RGL2: variants seen among roughly 807,000 people sequenced by gnomAD.
RGL2 encodes ral guanine nucleotide dissociation stimulator-like 2.
Under a neutral mutation model 84.6 loss-of-function variants are expected in RGL2, and 40 were observed. The ratio of observed to expected loss-of-function variants is 0.47; its 90% CI spans 0.37 to 0.62. The LOEUF (loss-of-function observed/expected upper bound fraction) is 0.62, where lower values mean the gene tolerates loss of function less well. Among genes scored for constraint, RGL2 ranks in the 20% least tolerant of loss-of-function variants. The pLI, the probability that RGL2 is intolerant of heterozygous loss-of-function variation, is 0.00. For missense variants in RGL2, 865 were observed against 1,019.7 expected (o/e 0.85, Z 2.07); for synonymous variants, 369 against 417.3 (o/e 0.88, Z 1.41).
chr6:33,296,162 G>C lies in RGL2; in HGVS notation c.634C>G (p.Arg212Gly). Reference protein sequence around the residue: ...GGSADLIRNLRSRVDPQAPDL... With the variant: ...GGSADLIRNLGSRVDPQAPDL... ...GGGGCCTGGGGGTCCACCCGGGACCGGAGATTGCGGATGAGGTCAGCGCTG... is the reference window on the plus strand; with the variant it reads ...GGGGCCTGGGGGTCCACCCGGGACCCGAGATTGCGGATGAGGTCAGCGCTG... The change falls in exon 6 of 18, where the codon CGG becomes GGG. Residue 212 changes from arginine to glycine, a missense_variant. Arg to Gly is a moderately radical substitution (Grantham distance 125). Coordinates refer to ENST00000497454, the MANE Select transcript of RGL2 (RefSeq NM_004761.5). This position sits in a 1 kb window ranked among gnomAD's most constrained non-coding sequence, Gnocchi z 5.0. The C allele has an allele frequency of 2.5e-6, 4 of 1,613,960 alleles. No homozygotes were observed. Among genetic ancestry groups the C allele is most frequent in the Non-Finnish European group, 3.4e-6 (4 of 1,179,978 alleles).
In RGL2 at chr6:33,294,600, A is replaced by AC; in HGVS notation, c.1353+87dup. 1 of 1,415,458 alleles carries AC rather than the reference A, an allele frequency of 7.1e-7. No homozygotes were observed. The highest frequency in any genetic ancestry group is 9.9e-7 in the Non-Finnish European group (1 of 1,014,026). The allele number at this position is 1,415,458 out of a possible 1,614,324, so 87.7% of individuals were successfully genotyped here. Reference sequence around the variant, plus strand: ...TCCCACACTCAGCTATTTGTGCCTTACAGCCCCTTGCAAGGGGCGGGGGGG... The same window carrying AC: ...TCCCACACTCAGCTATTTGTGCCTTACCAGCCCCTTGCAAGGGGCGGGGGGG... On this transcript the variant is annotated intron_variant, in intron 11 of 17. Coordinates refer to ENST00000497454, the MANE Select transcript of RGL2 (RefSeq NM_004761.5). The surrounding 1 kb of genome is among the most constrained non-coding windows in gnomAD (Gnocchi z 5.0).
In RGL2 at chr6:33,298,923, C is replaced by A. The variant is rs965057892; in HGVS notation, c.-95G>T. ...GTCCTGAGCCGCTGTTGCCGTCGGTCTCCGGCCCCGGACCGAGTCCCCTCC... is the reference window on the plus strand; with the variant it reads ...GTCCTGAGCCGCTGTTGCCGTCGGTATCCGGCCCCGGACCGAGTCCCCTCC... On this transcript the variant is annotated 5_prime_UTR_variant, in exon 1 of 18. Coordinates refer to ENST00000497454, the MANE Select transcript of RGL2 (RefSeq NM_004761.5). The surrounding 1 kb of genome is among the most constrained non-coding windows in gnomAD (Gnocchi z 4.8). 1 of 281,242 alleles carries A rather than the reference C, an allele frequency of 3.6e-6. No individual in the cohort carries two copies. The highest frequency in any genetic ancestry group is 2.2e-5 in the African/African-American group (1 of 45,710). The allele number at this position is 281,242 out of a possible 1,614,324, so 17.4% of individuals were successfully genotyped here.
rs1352632609 is a variant in RGL2, at chr6:33,297,001, C to T, written c.240+31G>A. The T allele has an allele frequency of 1.3e-6, 2 of 1,592,974 alleles. No individual in the cohort carries two copies. The highest frequency in any genetic ancestry group is 1.3e-5 in the African/African-American group (1 of 74,230). ...GGAAGGAAAACTGGGAATGAAGAGTCAGAGGTGAGAAGCTAAAGTCATGAT... is the reference window on the plus strand; with the variant it reads ...GGAAGGAAAACTGGGAATGAAGAGTTAGAGGTGAGAAGCTAAAGTCATGAT... On this transcript the variant is annotated intron_variant, in intron 3 of 17. Transcript: ENST00000497454. This position sits in a 1 kb window ranked among gnomAD's most constrained non-coding sequence, Gnocchi z 4.0.
Position 33,294,006 on chromosome 6 carries a change from C to T in RGL2, c.1386+28G>A, listed in dbSNP as rs374811787. ...TTCCTGGAACATGGATAGGGAAGTC[C>T]AGCATCCAGCCCAGACACTCCGCTC... On this transcript the variant is annotated intron_variant, in intron 12 of 17. Coordinates refer to ENST00000497454, the MANE Select transcript of RGL2 (RefSeq NM_004761.5). The surrounding 1 kb of genome is among the most constrained non-coding windows in gnomAD (Gnocchi z 5.0). 3.7e-6 allele frequency: 6 copies of T among 1,613,880 alleles called. No individual in the cohort carries two copies. In the African/African-American group the frequency reaches 6.7e-5, roughly 18 times the overall value.
At position 33,292,106 on chromosome 6, in the gene RGL2, A is replaced by G. The variant is rs1448614918; in HGVS notation, c.2330T>C (p.Phe777Ser). ...ATGRKIARAL[F>S] ...TAAGCCAACGGGGCTTCCTCCTCAG[A>G]ACAGTGCCCGTGCAATCTTCCTCCC... is the stretch of plus-strand genomic sequence containing the variant. Residue 777 changes from phenylalanine to serine, a missense_variant, in exon 18 of 18, where the codon TTC becomes TCC. By Grantham distance (155) the Phe-to-Ser change is radical. Coordinates refer to ENST00000497454, the MANE Select transcript of RGL2 (RefSeq NM_004761.5). The G allele has an allele frequency of 6.2e-7, 1 of 1,614,110 alleles. No homozygotes were observed. The highest frequency in any genetic ancestry group is 8.5e-7 in the Non-Finnish European group (1 of 1,180,018).
chr6:33,295,027 G>A lies in RGL2; in HGVS notation c.1228C>T (p.Pro410Ser), dbSNP rs1562660731. Residue 410 changes from proline to serine, a missense_variant, in exon 10 of 18, where the codon CCT (proline) becomes TCT (serine). This residue lies in a region of RGL2 where 455 missense variants were observed against 507.8 expected (regional missense o/e 0.90). Transcript: ENST00000497454. The surrounding 1 kb of genome is among the most constrained non-coding windows in gnomAD (Gnocchi z 7.2). ...GCCTTCTTGGAGTGTGGCTCCAGAG[G>A]AGACTGCAGCTTCACCTCCTGGTGG... ...LLVQEVKLQS[P>S]LEPHSKKAPR... is the part of the protein sequence containing the mutation. The A allele has an allele frequency of 2.5e-6, 4 of 1,583,236 alleles. No homozygotes were observed. The highest frequency in any genetic ancestry group is 1.8e-4 in the Middle Eastern group (1 of 5,708).
rs1443940757 is a variant in RGL2 at position 33,293,051 on chromosome 6, A to C, written c.1972T>G (p.Leu658Val). ...TTATAGACACTGCCATCTTCCCCCA[A>C]CTCCATCTGGACTCGGATGATACGG... is the stretch of plus-strand genomic sequence containing the variant. ...DCRIIRVQME[L>V]GEDGSVYKSI... The change falls in exon 16 of 18, where the codon TTG (leucine) becomes GTG (valine). Residue 658 changes from leucine (L) to valine (V), a missense_variant. Leu to Val is a conservative substitution (Grantham distance 32). Transcript: ENST00000497454. This position sits in a 1 kb window ranked among gnomAD's most constrained non-coding sequence, Gnocchi z 7.0. 5 of 1,613,848 alleles carry C rather than the reference A, an allele frequency of 3.1e-6. No individual in the cohort carries two copies. The South Asian group carries it at 5.5e-5, about 18-fold the overall frequency.
chr6:33,296,579 C>A lies in RGL2; in HGVS notation c.419+19G>T. The A allele has an allele frequency of 2.5e-6, 4 of 1,606,748 alleles. No individual in the cohort carries two copies. The highest frequency in any genetic ancestry group is 1.7e-5 in the Admixed American group (1 of 59,482). ...TCCGGGCAGATACTCCACTACCCTGCGTCCCTTATGACTCTGACCTGTCAG... is the reference window on the plus strand; with the variant it reads ...TCCGGGCAGATACTCCACTACCCTGAGTCCCTTATGACTCTGACCTGTCAG... On this transcript the variant is annotated intron_variant, in intron 4 of 17. Transcript: ENST00000497454. The surrounding 1 kb of genome is among the most constrained non-coding windows in gnomAD (Gnocchi z 5.0).
chr6:33,293,645 TG>T lies in RGL2; in HGVS notation c.1562del (p.Pro521HisfsTer47). The T allele has an allele frequency of 6.2e-7, 1 of 1,614,052 alleles. No individual in the cohort carries two copies. Among genetic ancestry groups the T allele is most frequent in the Non-Finnish European group, 8.5e-7 (1 of 1,180,002 alleles). On this transcript the variant is annotated frameshift_variant, in exon 14 of 18. Coordinates refer to ENST00000497454, the MANE Select transcript of RGL2 (RefSeq NM_004761.5). LOFTEE classifies it high-confidence loss of function. The surrounding 1 kb of genome is among the most constrained non-coding windows in gnomAD (Gnocchi z 7.0). ...TGACCAATGTTGGCCGAAGCACCCGTGGGGCAGGAGGGTCACTGGAACCAGG... is the reference window on the plus strand; with the variant it reads ...TGACCAATGTTGGCCGAAGCACCCGTGGGCAGGAGGGTCACTGGAACCAGG... ...EPPGSSDPPA[P>X]RVLRPTLVIS...
Position 33,293,412 on chromosome 6 carries a change from C to G in RGL2, c.1716+1G>C. On this transcript the variant is annotated splice_donor_variant, in intron 15 of 17. Transcript: ENST00000497454. LOFTEE classifies it high-confidence loss of function. The surrounding 1 kb of genome is among the most constrained non-coding windows in gnomAD (Gnocchi z 7.0). ...AGGTCAGAGTCAGGAGCAGAGCTCACCTGGGCCAGCCGAGTCAGCAGAGGA... is the reference window on the plus strand; with the variant it reads ...AGGTCAGAGTCAGGAGCAGAGCTCAGCTGGGCCAGCCGAGTCAGCAGAGGA... 2.5e-6 allele frequency: 4 copies of G among 1,613,080 alleles called. No homozygotes were observed. Among genetic ancestry groups the G allele is most frequent in the Non-Finnish European group, 3.4e-6 (4 of 1,179,520 alleles).
upstream of RGL2, chr6:33,301,459 A>T: frequency 2.5e-6 from 1 of 400,122 alleles, no homozygotes; most frequent in Non-Finnish European, 4.5e-6. Flanking sequence ...CTGTAATCCC[A>T]GCTACTCCGG....
In RGL2 at chr6:33,292,495, T is replaced by C; in HGVS notation, c.2057A>G (p.Lys686Arg). 2 of 1,614,172 alleles carry C rather than the reference T, an allele frequency of 1.2e-6. No homozygotes were observed. The highest frequency in any genetic ancestry group is 1.7e-6 in the Non-Finnish European group (2 of 1,180,030). The change falls in exon 17 of 18, where the codon AAA (lysine) becomes AGA (arginine). Residue 686 changes from lysine (K) to arginine (R), a missense_variant. By Grantham distance (26) the Lys-to-Arg change is conservative. Transcript: ENST00000497454. ...APSVISRVLK[K>R]NNRDSAVASE... ...AGCCACTGCAGAGTCACGATTGTTT[T>C]TCTTAAGGACACGACTGATGACACT...
chr6:33,296,301 G>A lies in RGL2; in HGVS notation c.495C>T (p.Thr165=), dbSNP rs1767947308. The A allele has an allele frequency of 1.9e-6, 3 of 1,613,142 alleles. No individual in the cohort carries two copies. The highest frequency in any genetic ancestry group is 2.5e-6 in the Non-Finnish European group (3 of 1,179,420). Residue 165 remains threonine, a synonymous_variant, in exon 6 of 18, where the codon ACC becomes ACT. Transcript: ENST00000497454. The surrounding 1 kb of genome is among the most constrained non-coding windows in gnomAD (Gnocchi z 5.0). The stretch of plus-strand genomic sequence containing the variant: ...AATCCTCAGGGTGAGAGGCCAGCCA[G>A]GTTGACAGTACAGAGATGGCTACCC... ...TTEVAISVLS[T]WLASHPEDFG...
Position 33,295,945 on chromosome 6 carries a change from G to A in RGL2, c.768+83C>T. On this transcript the variant is annotated intron_variant, in intron 6 of 17. Transcript: ENST00000497454. The surrounding 1 kb of genome is among the most constrained non-coding windows in gnomAD (Gnocchi z 7.2). ...GAGGCTAGGAGCTGGATCAGGAAGG[G>A]GTGGAAGCAAGGAAAGGATCTGGAG... 1.9e-6 allele frequency: 3 copies of A among 1,538,472 alleles called. No individual in the cohort carries two copies. Among genetic ancestry groups the A allele is most frequent in the East Asian group, 2.3e-5 (1 of 44,320 alleles).
In RGL2 at chr6:33,293,121, C is replaced by G; in HGVS notation, c.1902G>C (p.Gly634=). 6.2e-7 allele frequency: 1 copy of G among 1,613,344 alleles called. No individual in the cohort carries two copies. Among genetic ancestry groups the G allele is most frequent in the Non-Finnish European group, 8.5e-7 (1 of 1,179,636 alleles). Residue 634 remains glycine (G), a synonymous_variant, in exon 16 of 18, where the codon GGG becomes GGC. Coordinates refer to ENST00000497454, the MANE Select transcript of RGL2 (RefSeq NM_004761.5). This position sits in a 1 kb window ranked among gnomAD's most constrained non-coding sequence, Gnocchi z 7.0. ...LSGGAEEASG[G]TGYGGEGSGP... ...CAGATCCCTCTCCCCCATATCCAGT[C>G]CCCCCGGAGGCCTCTTCTGCACCCC...
upstream of RGL2, chr6:33,301,582 A>C (rs895362894): frequency 3.7e-5 from 23 of 624,462 alleles, no homozygotes; most frequent in African/African-American, 3.4e-4. Flanking sequence ...TCAAAAAAAA[A>C]AAAAAAAGAA....
rs1190282787 is a variant in RGL2 at position 33,295,657 on chromosome 6, C to T, written c.871G>A (p.Val291Ile). Reference protein sequence around the residue: ...SHLCPSVRATVTQFNKVAGAV... With the variant: ...SHLCPSVRATITQFNKVAGAV... Reference sequence around the variant, plus strand: ...CCTGCCACCTTGTTAAACTGTGTGACAGTAGCTCGGACAGATGGGCAGAGG... The same window carrying T: ...CCTGCCACCTTGTTAAACTGTGTGATAGTAGCTCGGACAGATGGGCAGAGG... Residue 291 changes from valine to isoleucine, a missense_variant, in exon 7 of 18, where the codon GTC becomes ATC. Physicochemically the swap from Val to Ile is conservative, Grantham distance 29. Around this residue, in one of 5 missense-constraint regions of RGL2, gnomAD observed 455 missense variants for 507.8 expected, o/e 0.90. Coordinates refer to ENST00000497454, the MANE Select transcript of RGL2 (RefSeq NM_004761.5). This position sits in a 1 kb window ranked among gnomAD's most constrained non-coding sequence, Gnocchi z 7.2. 10 of 1,613,970 alleles carry T rather than the reference C, an allele frequency of 6.2e-6. No individual in the cohort carries two copies. Among genetic ancestry groups the T allele is most frequent in the Middle Eastern group, 3.3e-4 (2 of 6,062 alleles).
In RGL2 at chr6:33,297,055, G is replaced by A; in HGVS notation, c.217C>T (p.Gln73Ter). Reference sequence around the variant, plus strand: ...ACCAAGGGATCAAGAGGTCGATATTGGCGGCTTGTGACGGTAAACACGGCA... The same window carrying A: ...ACCAAGGGATCAAGAGGTCGATATTAGCGGCTTGTGACGGTAAACACGGCA... ...DGAVFTVTSR[Q>*]YRPLDPLVPM... The change falls in exon 3 of 18, where the codon CAA becomes TAA. Residue 73 changes from glutamine to a stop codon, truncating the protein, a stop_gained. Coordinates refer to ENST00000497454, the MANE Select transcript of RGL2 (RefSeq NM_004761.5). LOFTEE classifies it high-confidence loss of function. The surrounding 1 kb of genome is among the most constrained non-coding windows in gnomAD (Gnocchi z 4.0). 1 of 1,578,518 alleles carries A rather than the reference G, an allele frequency of 6.3e-7. No individual in the cohort carries two copies. Among genetic ancestry groups the A allele is most frequent in the Non-Finnish European group, 8.6e-7 (1 of 1,164,348 alleles).
chr6:33,297,182 C>A lies in RGL2; in HGVS notation c.157-67G>T. The A allele has an allele frequency of 8.1e-7, 1 of 1,232,294 alleles. No individual in the cohort carries two copies. Among genetic ancestry groups the A allele is most frequent in the Non-Finnish European group, 1.1e-6 (1 of 877,418 alleles). The allele number at this position is 1,232,294 out of a possible 1,614,324, so 76.3% of individuals were successfully genotyped here. Reference sequence around the variant, plus strand: ...CCCCCCATTGCCCTCAGCCTTCACCCCAGGCCCTGCTCCTCCCTCTGTACC... The same window carrying A: ...CCCCCCATTGCCCTCAGCCTTCACCACAGGCCCTGCTCCTCCCTCTGTACC... On this transcript the variant is annotated intron_variant, in intron 2 of 17. Coordinates refer to ENST00000497454, the MANE Select transcript of RGL2 (RefSeq NM_004761.5). The surrounding 1 kb of genome is among the most constrained non-coding windows in gnomAD (Gnocchi z 4.0).
Sources: allele counts gnomAD v4.1 joint callset, GRCh38; gene constraint gnomAD v4.1.1; regional missense constraint gnomAD v4.1.1; non-coding constraint Gnocchi (gnomAD v3.1); transcripts MANE v1.5; gene names NCBI Gene and HGNC (gene_info 2026-07-23, HGNC 2026-07-21).